The following TBC1D14 variants were observed in gnomAD, a reference collection of about 807,000 sequenced individuals.
TBC1D14 encodes the protein TBC1 domain family member 14, also known as TBC1 domain family, member 14.
TBC1D14 carries 26 observed loss-of-function variants against 79.0 expected under a neutral mutation model. The observed-to-expected ratio is 0.33, with a 90% CI of 0.24 to 0.46. TBC1D14 has a LOEUF of 0.46. Ranked by LOEUF, TBC1D14 falls within the 20% of genes least tolerant of loss-of-function variation. The pLI is 1.00. For synonymous variants in TBC1D14, 394 were observed against 349.9 expected (o/e 1.13, Z -1.40); for missense variants, 769 against 887.6 (o/e 0.87, Z 1.70).
intron 2 of TBC1D14, among the ~76,000 whole-genome samples, chr4:6,945,392 A>G (rs2108987362): frequency 6.6e-6 from 1 of 152,338 alleles, no homozygotes. Flanking sequence ...TTGAAAAAAA[A>G]TCTGAAATAA....
At chr4:6,971,833 G>T (rs1203677594) in intron 3 of TBC1D14, among the ~76,000 whole-genome samples, 1 of 152,242 alleles carries the variant, frequency 6.6e-6, no homozygotes, top group Non-Finnish European at 1.5e-5. Context: ...CTATCGGTAT[G>T]CAGGAAGAGA....
intron 1 of TBC1D14, among the ~76,000 whole-genome samples, chr4:6,920,877 C>G (rs1429510284): frequency 6.6e-6 from 1 of 152,148 alleles, no homozygotes; most frequent in African/African-American, 2.4e-5. Context: ...CTCCCGAGTT[C>G]AAGCAATTCT....
chr4:6,959,074 G>A (rs10000433), intron 2 of TBC1D14, among the ~76,000 whole-genome samples: 18,403 of 151,992 alleles, frequency 0.12, 2,041 homozygotes, highest in African/African-American at 0.3. Flanking sequence ...TTTAGTAGAG[G>A]CGGGGTTTCA....
chr4:7,002,609 G>T (rs1310459886), intron 7 of TBC1D14, among the ~76,000 whole-genome samples: 1 of 152,202 alleles, frequency 6.6e-6, no homozygotes, highest in Non-Finnish European at 1.5e-5. Flanking sequence ...CGCAGTGTCA[G>T]TGGCCCCCGC....
chr4:6,973,383 T>C (rs754718201), intron 3 of TBC1D14, among the ~76,000 whole-genome samples: 3 of 152,090 alleles, frequency 2.0e-5, no homozygotes, highest in African/African-American at 4.8e-5. Context: ...AGGCAAATTC[T>C]AAAATAACAA....
At chr4:6,985,108 T>TA (rs1328620370) in intron 3 of TBC1D14, among the ~76,000 whole-genome samples, 1 of 152,194 alleles carries the variant, frequency 6.6e-6, no homozygotes, top group East Asian at 1.9e-4. Flanking sequence ...CTCTATTTTT[T>TA]AAAAAATTGA....
Position 6,924,050 on chromosome 4 carries a change from C to T in TBC1D14, c.661C>T (p.His221Tyr). The change falls in exon 2 of 14, where the codon CAT becomes TAT. Residue 221 changes from histidine (H) to tyrosine (Y), a missense_variant. Transcript: ENST00000409757. ...TRGLHQQDCV[H>Y]EAEEGSKLKI... ...TGGCTTACACCAGCAGGACTGTGTTCATGAAGCTGAGGAGGGGAGTAAATT... is the reference window on the plus strand; with the variant it reads ...TGGCTTACACCAGCAGGACTGTGTTTATGAAGCTGAGGAGGGGAGTAAATT... The T allele has an allele frequency of 6.2e-7, 1 of 1,614,074 alleles. No homozygotes were observed. Among genetic ancestry groups the T allele is most frequent in the Non-Finnish European group, 8.5e-7 (1 of 1,180,020 alleles).
chr4:6,995,435 A>G (rs1718919370), intron 4 of TBC1D14: 1 of 152,198 alleles, frequency 6.6e-6, no homozygotes, highest in Non-Finnish European at 1.5e-5. Context: ...AAATATACCA[A>G]AAGATTAAGT....
At chr4:6,913,130 G>A (rs1195171202) in intron 1 of TBC1D14, among the ~76,000 whole-genome samples, 3 of 152,092 alleles carry the variant, frequency 2.0e-5, no homozygotes, top group East Asian at 3.8e-4. Context: ...CCAGTAGCTG[G>A]GATTACAGGC....
chr4:6,919,909 G>A (rs767050522), intron 1 of TBC1D14, among the ~76,000 whole-genome samples: 19 of 152,146 alleles, frequency 1.2e-4, no homozygotes, highest in Admixed American at 3.9e-4. Flanking sequence ...GTGAGCCACC[G>A]TGCCCGGCCT....
intron 3 of TBC1D14, among the ~76,000 whole-genome samples, chr4:6,982,112 C>A (rs546755505): frequency 6.6e-6 from 1 of 152,290 alleles, no homozygotes; most frequent in Admixed American, 6.5e-5. Context: ...ATTAGCCCAG[C>A]AATCCCACTC....
At chr4:7,028,936 C>G (rs1334604736) in intron 13 of TBC1D14, among the ~76,000 whole-genome samples, 1 of 152,094 alleles carries the variant, frequency 6.6e-6, no homozygotes, top group Non-Finnish European at 1.5e-5. Flanking sequence ...CTCCGGGGCT[C>G]AAGCAATTCT....
chr4:6,981,713 G>A (rs554114683), intron 3 of TBC1D14, among the ~76,000 whole-genome samples: 2 of 152,316 alleles, frequency 1.3e-5, no homozygotes, highest in Non-Finnish European at 2.9e-5. Flanking sequence ...ACAAGGCTGG[G>A]TCAGTGTTTG....
intron 2 of TBC1D14, among the ~76,000 whole-genome samples, chr4:6,945,345 T>A (rs1435533120): frequency 6.6e-6 from 1 of 152,096 alleles, no homozygotes; most frequent in African/African-American, 2.4e-5. Context: ...TGTTTACAGT[T>A]TGATTTTTCT....
rs71173472 is a variant in TBC1D14 at position 6,945,749 on chromosome 4, C to CA, written c.723-21521dup. 1.7e-3 allele frequency among the ~76,000 whole-genome samples: 107 copies of CA among 64,124 alleles called. 3 individuals are homozygous for CA. The highest frequency in any genetic ancestry group is 6.9e-3 in the African/African-American group (104 of 15,052). 42.1% of individuals were successfully genotyped at this position (64,124 alleles called of 152,430 possible). On this transcript the variant is annotated intron_variant, in intron 2 of 13. Coordinates refer to ENST00000409757, the MANE Select transcript of TBC1D14 (RefSeq NM_020773.3). The stretch of plus-strand genomic sequence containing the variant: ...GGGCAACTAGAGCAAAACTGCGTCT[C>CA]AAAAAAAAAAAAAAAAAAAAAAAAA...
chr4:6,936,675 A>G (rs181692341), intron 2 of TBC1D14, among the ~76,000 whole-genome samples: 261 of 152,318 alleles, frequency 1.7e-3, no homozygotes, highest in Non-Finnish European at 3.4e-3. Flanking sequence ...TATATGGTAA[A>G]GTATGTTTAG....
intron 3 of TBC1D14, among the ~76,000 whole-genome samples, chr4:6,988,551 T>C (rs925827410): frequency 1.3e-5 from 2 of 152,230 alleles, no homozygotes; most frequent in African/African-American, 4.8e-5. Flanking sequence ...AGTCAGTCTT[T>C]TGATAGGTAC....
intron 4 of TBC1D14, among the ~76,000 whole-genome samples, chr4:6,995,073 G>C (rs1382594313): frequency 1.3e-5 from 2 of 152,106 alleles, no homozygotes; most frequent in African/African-American, 2.4e-5. Flanking sequence ...CAGTGAATGT[G>C]GGTCCTGTTG....
chr4:6,917,702 T>C (rs1723510946), intron 1 of TBC1D14, among the ~76,000 whole-genome samples: 1 of 152,098 alleles, frequency 6.6e-6, no homozygotes, highest in Non-Finnish European at 1.5e-5. Flanking sequence ...TAGTTTGTCT[T>C]TTATAAACGT....
Sources: gnomAD v4.1 joint callset for allele counts (sites outside exome capture counted in the v4.1 genomes callset) on GRCh38, gnomAD v4.1.1 for gene constraint, MANE v1.5 for transcripts, NCBI Gene and HGNC (gene_info 2026-07-23, HGNC 2026-07-21) for gene names.